Variants in TSPAN9 observed in about 807,000 individuals in gnomAD.
The protein encoded by TSPAN9 is tetraspanin-9.
In TSPAN9, 16 loss-of-function variants were observed where a neutral mutation model predicts 31.0. The ratio of observed to expected loss-of-function variants is 0.52; its 90% CI spans 0.35 to 0.78. The LOEUF is 0.78. Ranked by LOEUF, TSPAN9 falls within the 30% of genes least tolerant of loss-of-function variation. The probability of loss-of-function intolerance (pLI) is 0.01; values close to 1 mark genes in which losing one functional copy is unlikely to be tolerated. For synonymous variants in TSPAN9, 145 were observed against 121.6 expected (o/e 1.19, Z -1.27); for missense variants, 272 against 312.5 (o/e 0.87, Z 0.98).
At chr12:3,098,587 T>A (rs556578915) in intron 2 of TSPAN9, among the ~76,000 whole-genome samples, 104 of 152,320 alleles carry the variant, frequency 6.8e-4, no homozygotes, top group African/African-American at 2.3e-3. Flanking sequence ...TCCAGCCTCG[T>A]TCTTTGCTTA....
chr12:3,124,715 G>A (rs116983312), intron 2 of TSPAN9: 2,936 of 152,016 alleles, frequency 0.019, 53 homozygotes, highest in South Asian at 0.069. Context: ...CAGCCTGATG[G>A]ACCACTGTGT....
intron 2 of TSPAN9, among the ~76,000 whole-genome samples, chr12:3,140,627 A>C (rs1217332212): frequency 1.3e-5 from 2 of 152,136 alleles, no homozygotes; most frequent in Non-Finnish European, 2.9e-5. Context: ...ATGAATGCCC[A>C]AGGAAAGTTC....
chr12:3,208,224 G>T (rs887487809), intron 3 of TSPAN9, among the ~76,000 whole-genome samples: 5 of 152,248 alleles, frequency 3.3e-5, no homozygotes, highest in Admixed American at 3.3e-4. Flanking sequence ...GGCGGTTGGA[G>T]CCCTGGGAGG....
Position 3,113,629 on chromosome 12 carries a change from C to T in TSPAN9, c.-18+29910C>T, listed in dbSNP as rs535456899. Among the ~76,000 whole-genome samples the T allele has an allele frequency of 5.3e-5, 8 of 152,224 alleles. No homozygotes were observed. The South Asian group carries it at 1.0e-3, about 20-fold the overall frequency. ...GGTGTGGGGTTGTACTAGGTGTATC[C>T]GATGGTTCTCAGTCCCCTTCCCACA... On this transcript the variant is annotated intron_variant, in intron 2 of 8. Transcript: ENST00000011898.
At chr12:3,257,047 C>A (rs2153978669) in intron 3 of TSPAN9, among the ~76,000 whole-genome samples, 1 of 152,236 alleles carries the variant, frequency 6.6e-6, no homozygotes, top group Admixed American at 6.5e-5. Context: ...ATCCTGTCAC[C>A]CTTCTCACAG....
chr12:3,257,404 T>G (rs976705977), intron 3 of TSPAN9, among the ~76,000 whole-genome samples: 4 of 151,912 alleles, frequency 2.6e-5, no homozygotes, highest in Admixed American at 6.6e-5. Context: ...ATACTATGGG[T>G]TTCTTGGAAC....
chr12:3,190,230 C>T (rs947677844), intron 2 of TSPAN9, among the ~76,000 whole-genome samples: 4 of 152,150 alleles, frequency 2.6e-5, no homozygotes, highest in Admixed American at 6.5e-5. Context: ...TGCAGAGCGC[C>T]GTCCCAGCTG....
chr12:3,203,554 C>T (rs1353881052), intron 3 of TSPAN9, among the ~76,000 whole-genome samples: 2 of 152,178 alleles, frequency 1.3e-5, no homozygotes, highest in South Asian at 2.1e-4. Flanking sequence ...CTGTCGCTTC[C>T]TAATTAGAAG....
intron 2 of TSPAN9, among the ~76,000 whole-genome samples, chr12:3,151,692 A>C (rs76888901): frequency 6.6e-6 from 1 of 152,100 alleles, no homozygotes; most frequent in African/African-American, 2.4e-5. Flanking sequence ...TATGAAACAG[A>C]ATAGGGCAGC....
chr12:3,115,050 T>C (rs1435070547), intron 2 of TSPAN9, among the ~76,000 whole-genome samples: 1 of 151,958 alleles, frequency 6.6e-6, no homozygotes, highest in Non-Finnish European at 1.5e-5. Context: ...GAAACTCCAT[T>C]AGCAATCACT....
rs2098349600 is a variant in TSPAN9, at chr12:3,168,147, G to A, written c.-17-33030G>A. On this transcript the variant is annotated intron_variant, in intron 2 of 8. Coordinates refer to ENST00000011898, the MANE Select transcript of TSPAN9 (RefSeq NM_006675.5). The surrounding 1 kb of genome is among the most constrained non-coding windows in gnomAD (Gnocchi z 4.0). The stretch of plus-strand genomic sequence containing the variant: ...GACCACACCACCGTTCCACCGTTTA[G>A]CTCAGTGCCCTGCAAGGCAGGAGTA... Among the ~76,000 whole-genome samples, 2 of 152,220 alleles carry A rather than the reference G, an allele frequency of 1.3e-5. No homozygotes were observed. The highest frequency in any genetic ancestry group is 1.3e-4 in the Admixed American group (2 of 15,282).
At chr12:3,220,636 C>A (rs1403316217) in intron 3 of TSPAN9, among the ~76,000 whole-genome samples, 1 of 152,218 alleles carries the variant, frequency 6.6e-6, no homozygotes, top group African/African-American at 2.4e-5. Flanking sequence ...CTGGGACCCA[C>A]TGGAGGACCC....
intron 2 of TSPAN9, among the ~76,000 whole-genome samples, chr12:3,134,168 G>T (rs2098331050): frequency 6.6e-6 from 1 of 152,178 alleles, no homozygotes; most frequent in East Asian, 1.9e-4. Flanking sequence ...TGTGGCTAAA[G>T]CAGAGCTCAG....
chr12:3,256,720 GA>G (rs1190637589), intron 3 of TSPAN9, among the ~76,000 whole-genome samples: 1 of 152,132 alleles, frequency 6.6e-6, no homozygotes, highest in Non-Finnish European at 1.5e-5. Context: ...GGGGACTACA[GA>G]AAACCCCAAA....
intron 2 of TSPAN9, among the ~76,000 whole-genome samples, chr12:3,109,299 T>TGTGTGTGTGTGA (rs1274383200): frequency 4.6e-4 from 55 of 118,344 alleles, no homozygotes; most frequent in African/African-American, 2.4e-3. Context: ...TGTGTGTGTG[T>TGTGTGTGTGTGA]GAGAGAGAGT....
intron 3 of TSPAN9, among the ~76,000 whole-genome samples, chr12:3,233,471 A>G (rs1019648222): frequency 2.0e-5 from 3 of 152,092 alleles, no homozygotes; most frequent in Non-Finnish European, 2.9e-5. Context: ...TGCCCCTCAG[A>G]TGTTTCCCTA....
chr12:3,111,625 T>G (rs1442415445), intron 2 of TSPAN9, among the ~76,000 whole-genome samples: 1 of 149,420 alleles, frequency 6.7e-6, no homozygotes, highest in East Asian at 2.0e-4. Flanking sequence ...TTTTTTTTTT[T>G]GAGACAGAGA....
intron 1 of TSPAN9, among the ~76,000 whole-genome samples, chr12:3,079,752 G>A (rs1275161797): frequency 1.3e-5 from 2 of 149,316 alleles, no homozygotes; most frequent in Non-Finnish European, 3.0e-5. Flanking sequence ...ATGAACCACC[G>A]TACTTAGCCC....
intron 3 of TSPAN9, among the ~76,000 whole-genome samples, chr12:3,272,471 A>G (rs1487988144): frequency 6.6e-6 from 1 of 150,626 alleles, no homozygotes; most frequent in Admixed American, 6.6e-5. Flanking sequence ...ATAAGACACA[A>G]ACCTGGGTCC....
Sources: gnomAD v4.1 joint callset for allele counts (sites outside exome capture counted in the v4.1 genomes callset) on GRCh38, gnomAD v4.1.1 for gene constraint, Gnocchi (gnomAD v3.1) non-coding constraint, MANE v1.5 for transcripts, NCBI Gene and HGNC (gene_info 2026-07-23, HGNC 2026-07-21) for gene names.